The following ITK variants were observed in gnomAD, a reference collection of about 807,000 sequenced individuals.
ITK encodes IL2 inducible T cell kinase, also known as tyrosine-protein kinase ITK/TSK.
ITK carries 45 observed loss-of-function variants against 87.6 expected under a neutral mutation model. The ratio of observed to expected loss-of-function variants is 0.51; its 90% CI spans 0.40 to 0.66. The LOEUF (loss-of-function observed/expected upper bound fraction) is 0.66. Ranked by LOEUF, ITK falls within the 30% of genes least tolerant of loss-of-function variation. ITK has a pLI of 0.00. For missense variants in ITK, 605 were observed against 766.3 expected, an observed-to-expected ratio of 0.79 and a Z score of 2.48; for synonymous variants, 303 against 273.6, an observed-to-expected ratio of 1.11 and a Z score of -1.06.
intron 1 of ITK, among the ~76,000 whole-genome samples, chr5:157,207,741 G>A (rs1004696215): frequency 2.6e-5 from 4 of 152,084 alleles, no homozygotes; most frequent in Non-Finnish European, 5.9e-5. Flanking sequence ...TCCATCCCTT[G>A]TCTATTTGGC....
intron 8 of ITK, among the ~76,000 whole-genome samples, 169 bp downstream of exon 8, chr5:157,232,563 G>T (rs181887726): frequency 6.6e-5 from 9 of 136,320 alleles, no homozygotes; most frequent in African/African-American, 1.8e-4. Flanking sequence ...GCCTGGGCAA[G>T]ATCAAGACCC....
intron 1 of ITK, among the ~76,000 whole-genome samples, chr5:157,196,307 GT>G (rs943984657): frequency 4.6e-5 from 7 of 152,118 alleles, no homozygotes; most frequent in African/African-American, 1.7e-4. Context: ...TGAGAAGCAT[GT>G]TTTCTCAAAA....
At chr5:157,241,902 A>T (rs551898267) in intron 11 of ITK, among the ~76,000 whole-genome samples, 182 bp downstream of exon 11, 1 of 152,222 alleles carries the variant, frequency 6.6e-6, no homozygotes, top group Non-Finnish European at 1.5e-5. Context: ...AAGTACATAT[A>T]CAAGCACATT....
intron 8 of ITK, among the ~76,000 whole-genome samples, 187 bp from the exon 9 acceptor site, chr5:157,237,922 T>A (rs549611098): frequency 2.0e-5 from 3 of 152,244 alleles, no homozygotes; most frequent in African/African-American, 7.2e-5. Flanking sequence ...CTGGGATCCA[T>A]GTAGGAGACC....
chr5:157,245,983 C>T lies in ITK; in HGVS notation c.1617C>T (p.Ser539=), dbSNP rs771875150. 1.1e-5 allele frequency: 17 copies of T among 1,611,666 alleles called. No homozygotes were observed. In the Admixed American group the frequency reaches 1.3e-4, roughly 13 times the overall value. Residue 539 remains serine (S), a synonymous_variant, in exon 15 of 17, where the codon TCC becomes TCT. Coordinates refer to ENST00000422843, the MANE Select transcript of ITK (RefSeq NM_005546.4). ...VFSFSRYSSK[S]DVWSFGVLMW... ...CTTTCAGTCGCTATAGCAGCAAGTC[C>T]GATGTGTGGTCATTTGGTGAGTGTC...
chr5:157,252,980 A>G lies in ITK; in HGVS notation c.*302A>G. On this transcript the variant is annotated 3_prime_UTR_variant, in exon 17 of 17. Transcript: ENST00000422843. ...CTCAACCTGACAGCTTTCAGACAGC[A>G]TTCTTGCACTTCTTAGCAACAGAGA... The G allele has an allele frequency of 2.1e-6, 1 of 470,714 alleles. No individual in the cohort carries two copies. Among genetic ancestry groups the G allele is most frequent in the Non-Finnish European group, 3.9e-6 (1 of 253,930 alleles). 29.2% of individuals were successfully genotyped at this position (470,714 alleles called of 1,614,324 possible).
intron 15 of ITK, among the ~76,000 whole-genome samples, chr5:157,247,264 C>T (rs1391738935): frequency 1.3e-5 from 2 of 152,190 alleles, no homozygotes; most frequent in African/African-American, 4.8e-5. Flanking sequence ...TTTCTTAAAA[C>T]AGTACCCTAT....
intron 15 of ITK, 51 bp downstream of exon 15, chr5:157,246,050 C>T (rs186013082): frequency 8.0e-7 from 1 of 1,256,178 alleles, no homozygotes. Flanking sequence ...TTCAGGCCAG[C>T]TGTTTCCTTT....
Position 157,214,274 on chromosome 5 carries a change from G to C in ITK, c.409G>C (p.Glu137Gln). 6.2e-7 allele frequency: 1 copy of C among 1,612,442 alleles called. No homozygotes were observed. The change falls in exon 4 of 17, where the codon GAG becomes CAG. Residue 137 changes from glutamate (E) to glutamine (Q), a missense_variant. Physicochemically the swap from Glu to Gln is conservative, Grantham distance 29. Around this residue, in one of 3 missense-constraint regions of ITK, gnomAD observed 464 missense variants for 578.0 expected, o/e 0.80. Transcript: ENST00000422843. Reference protein sequence around the residue: ...DGKWRCCSQLEKLATGCAQYD... With the variant: ...DGKWRCCSQLQKLATGCAQYD... ...GAAGTGGAGGTGCTGTTCTCAGCTG[G>C]AGAAGCTTGCAACAGGCTGTGCCCA...
At chr5:157,197,867 T>C (rs1326018099) in intron 1 of ITK, among the ~76,000 whole-genome samples, 1 of 152,190 alleles carries the variant, frequency 6.6e-6, no homozygotes, top group Non-Finnish European at 1.5e-5. Context: ...TCTGTGAAAA[T>C]CCTTTTTATT....
At position 157,248,901 on chromosome 5, in the gene ITK, G is replaced by T; in HGVS notation, c.1685G>T (p.Arg562Leu). 6.2e-7 allele frequency: 1 copy of T among 1,613,984 alleles called. No homozygotes were observed. The highest frequency in any genetic ancestry group is 1.1e-5 in the South Asian group (1 of 91,082). ...FSEGKIPYEN[R>L]SNSEVVEDIS... ...GAAGGCAAAATCCCGTATGAAAACC[G>T]AAGCAACTCAGAGGTGGTGGAAGAC... is the stretch of plus-strand genomic sequence containing the variant. Residue 562 changes from arginine (R) to leucine (L), a missense_variant, in exon 16 of 17, where the codon CGA (arginine) becomes CTA (leucine). By Grantham distance (102) the Arg-to-Leu change is moderately radical. This residue lies in a region of ITK where 70 missense variants were observed against 122.5 expected (regional missense o/e 0.57). Coordinates refer to ENST00000422843, the MANE Select transcript of ITK (RefSeq NM_005546.4).
Position 157,180,935 on chromosome 5 carries a change from A to C in ITK, c.-43A>C. 1 of 1,606,738 alleles carries C rather than the reference A, an allele frequency of 6.2e-7. No homozygotes were observed. Among genetic ancestry groups the C allele is most frequent in the Non-Finnish European group, 8.5e-7 (1 of 1,173,664 alleles). On this transcript the variant is annotated 5_prime_UTR_variant, in exon 1 of 17. Coordinates refer to ENST00000422843, the MANE Select transcript of ITK (RefSeq NM_005546.4). Reference sequence around the variant, plus strand: ...CAAAACTCTTTCCTTTGGTTGTGCTAAGAGGTGATGCCCAAGGTGCACCAC... The same window carrying C: ...CAAAACTCTTTCCTTTGGTTGTGCTCAGAGGTGATGCCCAAGGTGCACCAC...
At chr5:157,181,996 G>A (rs113035030) in intron 1 of ITK, among the ~76,000 whole-genome samples, 191 of 152,246 alleles carry the variant, frequency 1.3e-3, no homozygotes, top group African/African-American at 4.4e-3. Flanking sequence ...CCTGTTTCAG[G>A]TTCTTTCTTC....
At chr5:157,201,953 T>C (rs1448700048) in intron 1 of ITK, among the ~76,000 whole-genome samples, 1 of 152,192 alleles carries the variant, frequency 6.6e-6, no homozygotes, top group African/African-American at 2.4e-5. Flanking sequence ...GTAATAAGCA[T>C]AGTACCCAGT....
At chr5:157,197,605 A>G (rs1336656020) in intron 1 of ITK, among the ~76,000 whole-genome samples, 1 of 141,328 alleles carries the variant, frequency 7.1e-6, no homozygotes, top group Non-Finnish European at 1.6e-5. Flanking sequence ...ATACTAATAC[A>G]TAATCTCTTC....
intron 12 of ITK, 148 bp downstream of exon 12, chr5:157,243,942 T>G: frequency 1.3e-6 from 1 of 787,828 alleles, no homozygotes; most frequent in Non-Finnish European, 2.2e-6. Flanking sequence ...ACAATCAAAC[T>G]CTTCACAGTG....
chr5:157,219,258 G>A (rs188594664), intron 5 of ITK, among the ~76,000 whole-genome samples: 7 of 151,822 alleles, frequency 4.6e-5, no homozygotes, highest in African/African-American at 7.2e-5. Flanking sequence ...GATTACAGGC[G>A]CTCACCATCA....
rs1371428854 is a variant in ITK at position 157,243,724 on chromosome 5, G to A, written c.1162G>A (p.Val388Met). ...HLGYWLNKDK[V>M]AIKTIREGAM... ...GGGCTACTGGCTCAACAAGGACAAG[G>A]TGGCTATCAAAACCATTCGGGAAGG... Residue 388 changes from valine (V) to methionine (M), a missense_variant, in exon 12 of 17, where the codon GTG (valine) becomes ATG (methionine). Physicochemically the swap from Val to Met is conservative, Grantham distance 21. Transcript: ENST00000422843. 1.3e-5 allele frequency: 21 copies of A among 1,613,920 alleles called. No individual in the cohort carries two copies. The highest frequency in any genetic ancestry group is 1.7e-5 in the Non-Finnish European group (20 of 1,179,998).
Position 157,255,096 on chromosome 5 carries a change from A to G in ITK, c.*2418A>G, listed in dbSNP as rs1203942359. 1 of 193,236 alleles carries G rather than the reference A, an allele frequency of 5.2e-6. No individual in the cohort carries two copies. The highest frequency in any genetic ancestry group is 8.2e-5 in the East Asian group (1 of 12,268). The allele number at this position is 193,236 out of a possible 1,614,324, so 12.0% of individuals were successfully genotyped here. On this transcript the variant is annotated 3_prime_UTR_variant, in exon 17 of 17. Coordinates refer to ENST00000422843, the MANE Select transcript of ITK (RefSeq NM_005546.4). ...CTAGTGTTCAAAATAAAAATGTTAC[A>G]AATACCTGTTATCCTTTGTAGAGCA...
Sources: gnomAD v4.1 joint callset for allele counts (sites outside exome capture counted in the v4.1 genomes callset) on GRCh38, gnomAD v4.1.1 for gene constraint, gnomAD v4.1.1 regional missense constraint, MANE v1.5 for transcripts, NCBI Gene and HGNC (gene_info 2026-07-23, HGNC 2026-07-21) for gene names.